The following CDH12 variants were observed in gnomAD, a reference collection of about 807,000 sequenced individuals.
CDH12 encodes cadherin 12.
In CDH12, 41 loss-of-function variants were observed where a neutral mutation model predicts 74.1. The observed-to-expected ratio is 0.55, with a 90% CI of 0.43 to 0.72. CDH12 has a LOEUF of 0.72. CDH12 is among the 30% of genes least tolerant of loss of function. CDH12 has a pLI of 0.00. For synonymous variants in CDH12, 399 were observed against 355.0 expected (o/e 1.12, Z -1.39); for missense variants, 945 against 977.2 (o/e 0.97, Z 0.44).
chr5:21,825,370 T>C (rs1748613625), intron 8 of CDH12, among the ~76,000 whole-genome samples: 1 of 152,148 alleles, frequency 6.6e-6, no homozygotes, highest in South Asian at 2.1e-4. Flanking sequence ...GTCCTTCATC[T>C]CCACTTTTTC....
intron 5 of CDH12, among the ~76,000 whole-genome samples, chr5:22,064,459 G>A (rs1741414727): frequency 6.6e-6 from 1 of 152,092 alleles, no homozygotes; most frequent in South Asian, 2.1e-4. Flanking sequence ...CTGGTTTTGG[G>A]ATTTCTGGAA....
intron 5 of CDH12, among the ~76,000 whole-genome samples, chr5:22,027,876 T>G (rs1738487981): frequency 6.6e-6 from 1 of 152,166 alleles, no homozygotes; most frequent in Non-Finnish European, 1.5e-5. Flanking sequence ...GTGTTTGCTC[T>G]TGCTTTTCTA....
At chr5:22,275,549 A>G (rs1323190070) in intron 3 of CDH12, among the ~76,000 whole-genome samples, 1 of 152,118 alleles carries the variant, frequency 6.6e-6, no homozygotes, top group East Asian at 1.9e-4. Flanking sequence ...ATGGTAGTTG[A>G]ATATTGGGGT....
At chr5:22,753,267 C>T (rs1468537739) in intron 1 of CDH12, among the ~76,000 whole-genome samples, 1 of 151,794 alleles carries the variant, frequency 6.6e-6, no homozygotes, top group Non-Finnish European at 1.5e-5. Context: ...TGAACCCTGT[C>T]TCTATTAAAA....
chr5:22,718,412 A>G (rs1031360153), intron 1 of CDH12, among the ~76,000 whole-genome samples: 4 of 152,234 alleles, frequency 2.6e-5, no homozygotes, highest in African/African-American at 9.6e-5. Context: ...TGAAAGGGAA[A>G]TATCTCATGA....
At chr5:21,933,108 GACAC>G (rs1395529180) in intron 6 of CDH12, among the ~76,000 whole-genome samples, 3 of 151,810 alleles carry the variant, frequency 2.0e-5, no homozygotes, top group Non-Finnish European at 4.4e-5. Context: ...ATGTTCTCTT[GACAC>G]ACACGAGAGT....
chr5:22,272,562 A>C (rs1483480010), intron 3 of CDH12, among the ~76,000 whole-genome samples: 1 of 152,158 alleles, frequency 6.6e-6, no homozygotes, highest in Admixed American at 6.5e-5. Context: ...CTTTCTCATT[A>C]AGCTTAACCA....
intron 6 of CDH12, among the ~76,000 whole-genome samples, chr5:21,931,497 C>T (rs867985490): frequency 4.6e-5 from 7 of 152,086 alleles, no homozygotes; most frequent in African/African-American, 1.2e-4. Flanking sequence ...TCACTAATAG[C>T]GGTGCTTGAA....
At chr5:22,834,286 G>A (rs1736732523) in intron 1 of CDH12, among the ~76,000 whole-genome samples, 1 of 152,060 alleles carries the variant, frequency 6.6e-6, no homozygotes, top group South Asian at 2.1e-4. Flanking sequence ...AGCACAGTGG[G>A]AAAATAAAAT....
chr5:22,757,776 G>T (rs902031391), intron 1 of CDH12, among the ~76,000 whole-genome samples: 3 of 152,114 alleles, frequency 2.0e-5, no homozygotes, highest in African/African-American at 7.2e-5. Flanking sequence ...TAAGTTAGAA[G>T]AAAGAATTGG....
chr5:21,848,969 T>C (rs1750324928), intron 7 of CDH12, among the ~76,000 whole-genome samples: 1 of 151,966 alleles, frequency 6.6e-6, no homozygotes, highest in Non-Finnish European at 1.5e-5. Flanking sequence ...TCGTATGTTA[T>C]AGATACATGT....
chr5:21,905,164 A>C (rs965189324), intron 6 of CDH12, among the ~76,000 whole-genome samples: 2 of 152,232 alleles, frequency 1.3e-5, no homozygotes, highest in African/African-American at 4.8e-5. Flanking sequence ...GTGTGCGGTG[A>C]AGCAGGAAGA....
At chr5:21,799,314 C>T (rs567997460) in intron 10 of CDH12, among the ~76,000 whole-genome samples, 2 of 151,990 alleles carry the variant, frequency 1.3e-5, no homozygotes, top group African/African-American at 4.8e-5. Flanking sequence ...TGGTTCCTCA[C>T]AACTGCTTGC....
At chr5:21,973,940 T>C (rs1561339991) in intron 6 of CDH12, among the ~76,000 whole-genome samples, 1 of 152,044 alleles carries the variant, frequency 6.6e-6, no homozygotes, top group Non-Finnish European at 1.5e-5. Flanking sequence ...ATTTGCAGCC[T>C]TGGGTATCCA....
chr5:22,519,309 T>C (rs1736943074), intron 1 of CDH12, among the ~76,000 whole-genome samples: 2 of 152,148 alleles, frequency 1.3e-5, no homozygotes, highest in Admixed American at 6.5e-5. Context: ...CTATAGGCCA[T>C]GTCAATGTTT....
At chr5:22,032,052 A>C (rs937702263) in intron 5 of CDH12, among the ~76,000 whole-genome samples, 1 of 152,004 alleles carries the variant, frequency 6.6e-6, no homozygotes, top group African/African-American at 2.4e-5. Context: ...TGCAAAGCTC[A>C]ATAAAGTGAA....
At chr5:22,240,395 C>G (rs7443505) in intron 3 of CDH12, among the ~76,000 whole-genome samples, 66,756 of 151,878 alleles carry the variant, frequency 0.44, 14,937 homozygotes, top group African/African-American at 0.49. Context: ...ACCAGGCATG[C>G]GAGAAAGGAG....
chr5:21,812,632 T>C (rs1212867803), intron 9 of CDH12, among the ~76,000 whole-genome samples: 1 of 152,176 alleles, frequency 6.6e-6, no homozygotes, highest in East Asian at 1.9e-4. Context: ...TTCAATGAGA[T>C]ATTTTCTCAC....
At chr5:22,256,767 A>G (rs1247020304) in intron 3 of CDH12, among the ~76,000 whole-genome samples, 1 of 152,120 alleles carries the variant, frequency 6.6e-6, no homozygotes, top group Non-Finnish European at 1.5e-5. Flanking sequence ...CTTAGTTTTT[A>G]ACAAAAACAG....
Sources: gnomAD v4.1 joint callset for allele counts (sites outside exome capture counted in the v4.1 genomes callset) on GRCh38, gnomAD v4.1.1 for gene constraint, MANE v1.5 for transcripts, NCBI Gene and HGNC (gene_info 2026-07-23, HGNC 2026-07-21) for gene names.